ARMH3: variants seen among roughly 807,000 people sequenced by gnomAD.
ARMH3 encodes armadillo-like helical domain-containing protein 3.
Under a neutral mutation model 99.1 loss-of-function variants are expected in ARMH3, and 60 were observed. The ratio of observed to expected loss-of-function variants is 0.61; its 90% CI spans 0.49 to 0.75. ARMH3 has a LOEUF of 0.75. ARMH3 is among the 30% of genes least tolerant of loss of function. ARMH3 has a pLI of 0.00. For synonymous variants in ARMH3, 285 were observed against 292.8 expected, an observed-to-expected ratio of 0.97 and a Z score of 0.27; for missense variants, 679 against 843.1, an observed-to-expected ratio of 0.81 and a Z score of 2.41.
chr10:101,946,942 C>T (rs900519521), intron 22 of ARMH3, among the ~76,000 whole-genome samples: 2 of 150,666 alleles, frequency 1.3e-5, no homozygotes, highest in African/African-American at 4.9e-5. Flanking sequence ...GGTGGCTCAG[C>T]ACTTTGAGAG....
chr10:102,009,686 T>A (rs564310034), intron 12 of ARMH3, among the ~76,000 whole-genome samples: 4 of 152,326 alleles, frequency 2.6e-5, no homozygotes, highest in Admixed American at 2.6e-4. Context: ...TCCCTCTGTT[T>A]TTCCACCTCA....
intron 24 of ARMH3, among the ~76,000 whole-genome samples, chr10:101,856,271 T>A (rs990366243): frequency 6.6e-6 from 1 of 152,212 alleles, no homozygotes; most frequent in Non-Finnish European, 1.5e-5. Flanking sequence ...ATTTTACAGA[T>A]CACTCCAAAC....
At chr10:101,849,076 G>A (rs1417433684) in intron 25 of ARMH3, among the ~76,000 whole-genome samples, 1 of 152,216 alleles carries the variant, frequency 6.6e-6, no homozygotes, top group Non-Finnish European at 1.5e-5. Flanking sequence ...TTCAGCCCCA[G>A]CAGAGGGAGG....
chr10:101,869,447 A>T (rs1226617338), intron 24 of ARMH3, among the ~76,000 whole-genome samples: 1 of 152,254 alleles, frequency 6.6e-6, no homozygotes, highest in Non-Finnish European at 1.5e-5. Flanking sequence ...ATATGCAATT[A>T]GTAACAAAAA....
intron 8 of ARMH3, among the ~76,000 whole-genome samples, chr10:102,020,245 C>T (rs1590193255): frequency 1.3e-5 from 2 of 150,704 alleles, no homozygotes; most frequent in Non-Finnish European, 3.0e-5. Context: ...TTTATCAAGT[C>T]GATAGTTGGC....
intron 22 of ARMH3, among the ~76,000 whole-genome samples, chr10:101,946,056 AGT>A (rs1844506330): frequency 1.6e-5 from 2 of 122,268 alleles, no homozygotes; most frequent in Admixed American, 9.4e-5. Context: ...TGGGCGACAG[AGT>A]AAGACTCTGC....
At chr10:101,917,717 C>T (rs924828642) in intron 23 of ARMH3, among the ~76,000 whole-genome samples, 8 of 152,148 alleles carry the variant, frequency 5.3e-5, no homozygotes, top group African/African-American at 1.7e-4. Flanking sequence ...TTCTGTGATG[C>T]TTCTCTTTCT....
Position 102,023,843 on chromosome 10 carries a change from TTAAAATATTTCTA to T in ARMH3, c.508-107_508-95del, listed in dbSNP as rs2066941859. The T allele has an allele frequency of 2.5e-6, 3 of 1,199,806 alleles. No homozygotes were observed. The African/African-American group carries it at 4.6e-5, about 18-fold the overall frequency. 74.3% of individuals were successfully genotyped at this position (1,199,806 alleles called of 1,614,324 possible). A position where few individuals can be genotyped will look rare whatever the true frequency, so the allele number is the denominator to read the frequency against. On this transcript the variant is annotated intron_variant, in intron 6 of 25. Coordinates refer to ENST00000370033, the MANE Select transcript of ARMH3 (RefSeq NM_024541.3). The stretch of plus-strand genomic sequence containing the variant: ...CTAACATCTAAGAGAAACAAAAATA[TTAAAATATTTCTA>T]CTAGATAACTTAGCTGACCTTTCAC...
intron 17 of ARMH3, among the ~76,000 whole-genome samples, chr10:101,992,565 G>A (rs1564829208): frequency 1.3e-5 from 2 of 150,466 alleles, no homozygotes; most frequent in South Asian, 4.2e-4. Flanking sequence ...GCACGATCTC[G>A]GCTCACTGCA....
chr10:102,008,269 A>C (rs1309560973), intron 13 of ARMH3, among the ~76,000 whole-genome samples: 1 of 152,212 alleles, frequency 6.6e-6, no homozygotes, highest in East Asian at 1.9e-4. Context: ...TTAAAATTCA[A>C]ATCAATAGAT....
intron 23 of ARMH3, among the ~76,000 whole-genome samples, chr10:101,912,118 G>A (rs1485653222): frequency 6.6e-6 from 1 of 152,064 alleles, no homozygotes; most frequent in Admixed American, 6.6e-5. Context: ...AGCATGGCTG[G>A]GCGTGGTGGC....
At chr10:101,864,060 CA>C (rs71485765) in intron 24 of ARMH3, among the ~76,000 whole-genome samples, 8,601 of 105,298 alleles carry the variant, frequency 0.082, 942 homozygotes, top group African/African-American at 0.27. Context: ...GACTCCATCT[CA>C]AAAAAAAAAA....
At chr10:101,962,991 A>T (rs1845367269) in intron 20 of ARMH3, among the ~76,000 whole-genome samples, 2 of 143,172 alleles carry the variant, frequency 1.4e-5, no homozygotes, top group Admixed American at 1.4e-4. Flanking sequence ...TTTTTTTGAG[A>T]CAGAGCTCAA....
intron 2 of ARMH3, among the ~76,000 whole-genome samples, chr10:102,036,267 T>A (rs2067267309): frequency 2.7e-5 from 2 of 74,716 alleles, no homozygotes; most frequent in Admixed American, 1.4e-4. Flanking sequence ...GGGGGGCACA[T>A]CCGCCCGGCC....
chr10:101,981,941 C>T (rs1204241504), intron 19 of ARMH3, among the ~76,000 whole-genome samples: 2 of 145,442 alleles, frequency 1.4e-5, no homozygotes, highest in Non-Finnish European at 3.0e-5. Flanking sequence ...ATGGCGTGAA[C>T]TTGCAGTGAG....
At chr10:101,915,563 C>A (rs1284505363) in intron 23 of ARMH3, among the ~76,000 whole-genome samples, 1 of 152,186 alleles carries the variant, frequency 6.6e-6, no homozygotes. Context: ...ACACTGTATA[C>A]ACACAGTTCA....
At chr10:101,989,247 ATAATGGCTAGGTG>A (rs150440832) in intron 19 of ARMH3, among the ~76,000 whole-genome samples, 64 of 152,306 alleles carry the variant, frequency 4.2e-4, no homozygotes, top group African/African-American at 1.4e-3. Flanking sequence ...TTAAAATATG[ATAATGGCTAGGTG>A]TAATGGCACA....
intron 19 of ARMH3, among the ~76,000 whole-genome samples, chr10:101,977,763 T>A (rs1158283591): frequency 1.3e-5 from 2 of 152,234 alleles, no homozygotes; most frequent in East Asian, 3.8e-4. Flanking sequence ...GTCTGTTATA[T>A]AAGCCAGTCT....
intron 20 of ARMH3, among the ~76,000 whole-genome samples, chr10:101,960,697 C>T (rs1398481045): frequency 1.3e-5 from 2 of 151,574 alleles, no homozygotes; most frequent in East Asian, 1.9e-4. Flanking sequence ...GAGACCAGCC[C>T]GGCCAAGATG....
Sources: gnomAD v4.1 joint callset for allele counts (sites outside exome capture counted in the v4.1 genomes callset) on GRCh38, gnomAD v4.1.1 for gene constraint, MANE v1.5 for transcripts, NCBI Gene and HGNC (gene_info 2026-07-23, HGNC 2026-07-21) for gene names.